ITFG2: variants seen among roughly 807,000 people sequenced by gnomAD.
ITFG2 encodes integrin alpha FG-GAP repeat containing 2.
A neutral mutation model predicts 54.4 loss-of-function variants in ITFG2; 36 were observed. The ratio of observed to expected loss-of-function variants is 0.66; its 90% CI spans 0.51 to 0.87. ITFG2 has a LOEUF of 0.87. Among genes scored for constraint, ITFG2 ranks in the 40% least tolerant of loss-of-function variants. The probability of loss-of-function intolerance (pLI) is 0.00; values close to 1 mark genes in which losing one functional copy is unlikely to be tolerated. For missense variants in ITFG2, 524 were observed against 576.7 expected, an observed-to-expected ratio of 0.91 and a Z score of 0.94; for synonymous variants, 211 against 225.4, an observed-to-expected ratio of 0.94 and a Z score of 0.57.
Position 2,817,281 on chromosome 12 carries a change from A to G in ITFG2, c.155A>G (p.Asp52Gly). 1.2e-6 allele frequency: 2 copies of G among 1,613,898 alleles called. No individual in the cohort carries two copies. The highest frequency in any genetic ancestry group is 2.2e-5 in the South Asian group (2 of 91,030). The stretch of plus-strand genomic sequence containing the variant: ...AAGGTGTCTGTGTATAAAAATGATG[A>G]CAGTCGGCCATGGCTCACCTGTTCC... ...SGKVSVYKND[D>G]SRPWLTCSCQ... The change falls in exon 2 of 12, where the codon GAC (aspartate) becomes GGC (glycine). Residue 52 changes from aspartate (D) to glycine (G), a missense_variant. Coordinates refer to ENST00000228799, the MANE Select transcript of ITFG2 (RefSeq NM_018463.4).
chr12:2,827,303 C>T (rs199597760), downstream of ITFG2: 1,164 of 1,612,704 alleles, frequency 7.2e-4, 13 homozygotes, highest in South Asian at 9.4e-3. The surrounding 1 kb of genome is among the most constrained non-coding windows in gnomAD (Gnocchi z 4.0). Context: ...TGCAGCACTG[C>T]GGGGTGTAGA....
chr12:2,859,695 C>T (rs781572454), exon 4 of ITFG2: 28 of 1,523,864 alleles, frequency 1.8e-5, no homozygotes, highest in Admixed American at 3.6e-5. Flanking sequence ...GGTGAACCAA[C>T]GGTCACCAGA....
At chr12:2,851,823 C>T (rs183888718) in intron 2 of ITFG2, among the ~76,000 whole-genome samples, 1 of 152,198 alleles carries the variant, frequency 6.6e-6, no homozygotes, top group Non-Finnish European at 1.5e-5. Context: ...GGATTACAGG[C>T]ATGTGCCACC....
downstream of ITFG2, chr12:2,826,987 TG>T (rs575280428): frequency 5.3e-5 from 72 of 1,371,204 alleles, no homozygotes; most frequent in African/African-American, 8.2e-4. Flanking sequence ...CCTGGCATCG[TG>T]GGCCCTCTAG....
rs903215744 is a variant in ITFG2, at chr12:2,845,651, G to A, written n.300+4656G>A. Among the ~76,000 whole-genome samples, 1 of 152,122 alleles carries A rather than the reference G, an allele frequency of 6.6e-6. No individual in the cohort carries two copies. Among genetic ancestry groups the A allele is most frequent in the Non-Finnish European group, 1.5e-5 (1 of 68,020 alleles). ...TGGGGAGTGAAGTATGTGGGGGAAA[G>A]GGGTGTCCATACCTTCACCCCTGCC... On this transcript the variant is annotated intron_variant and non_coding_transcript_variant, in intron 2 of 3. Transcript: ENST00000537710. This position sits in a 1 kb window ranked among gnomAD's most constrained non-coding sequence, Gnocchi z 4.2.
chr12:2,859,100 G>A (rs903630934), intron 3 of ITFG2: 26 of 1,606,572 alleles, frequency 1.6e-5, no homozygotes, highest in Non-Finnish European at 2.2e-5. Flanking sequence ...TGCTCGGGGT[G>A]GAGGAGATGG....
intron 10 of ITFG2, among the ~76,000 whole-genome samples, chr12:2,823,544 C>T (rs1355696182): frequency 6.6e-6 from 1 of 152,184 alleles, no homozygotes; most frequent in Non-Finnish European, 1.5e-5. Flanking sequence ...TGCTATTCTG[C>T]CCGGGTTTTG....
At chr12:2,837,908 T>C (rs2098032469) in intron 1 of ITFG2, among the ~76,000 whole-genome samples, 1 of 152,184 alleles carries the variant, frequency 6.6e-6, no homozygotes, top group Non-Finnish European at 1.5e-5. Flanking sequence ...CCTTGTGTTC[T>C]CTCTCCCAAG....
rs777770184 is a variant in ITFG2, at chr12:2,822,824, G to C, written c.979G>C (p.Ala327Pro). 2.5e-6 allele frequency: 4 copies of C among 1,614,038 alleles called. No homozygotes were observed. Among genetic ancestry groups the C allele is most frequent in the Admixed American group, 1.7e-5 (1 of 59,992 alleles). ...GNGHEEVVAC[A>P]WDGQTYIIDH... ...CGGGCATGAGGAGGTAGTTGCATGC[G>C]CCTGGGATGGACAGACATATATCAT... is the stretch of plus-strand genomic sequence containing the variant. The change falls in exon 10 of 12, where the codon GCC (alanine) becomes CCC (proline). Residue 327 changes from alanine (A) to proline (P), a missense_variant. Coordinates refer to ENST00000228799, the MANE Select transcript of ITFG2 (RefSeq NM_018463.4).
chr12:2,840,281 T>C (rs1427903350), intron 1 of ITFG2, among the ~76,000 whole-genome samples: 2 of 151,738 alleles, frequency 1.3e-5, no homozygotes, highest in Non-Finnish European at 2.9e-5. Flanking sequence ...AAACCCCGTC[T>C]CTACTAAAAA....
At chr12:2,855,144 G>C (rs962015485) in intron 2 of ITFG2, 2 of 1,529,654 alleles carry the variant, frequency 1.3e-6, no homozygotes, top group Non-Finnish European at 1.7e-6. Context: ...CATTGGAGTC[G>C]GTCAGCCAGC....
intron 2 of ITFG2, chr12:2,854,842 G>A: frequency 2.7e-6 from 4 of 1,465,322 alleles, no homozygotes; most frequent in Non-Finnish European, 3.6e-6. Flanking sequence ...AGAGAGGGAG[G>A]GGTCACCTGG....
At chr12:2,846,916 A>G (rs1248180122) in intron 2 of ITFG2, among the ~76,000 whole-genome samples, 1 of 152,076 alleles carries the variant, frequency 6.6e-6, no homozygotes, top group Non-Finnish European at 1.5e-5. Context: ...ACATAACACA[A>G]AATTTACCAT....
intron 3 of ITFG2, chr12:2,858,942 G>A: frequency 2.5e-6 from 4 of 1,613,734 alleles, no homozygotes; most frequent in Non-Finnish European, 3.4e-6. Context: ...ACTTTGCAAG[G>A]GAGTGGTGCT....
In ITFG2 at chr12:2,853,492, C is replaced by T. The variant is rs571259105; in HGVS notation, n.301-4520C>T. ...TTCACCATGTTGGCCAGGCTGGTCTCGAACTCCTGACCTCAGGCGATCTGC... is the reference window on the plus strand; with the variant it reads ...TTCACCATGTTGGCCAGGCTGGTCTTGAACTCCTGACCTCAGGCGATCTGC... On this transcript the variant is annotated intron_variant and non_coding_transcript_variant, in intron 2 of 3. Coordinates refer to the ITFG2 transcript ENST00000537710. 2.4e-3 allele frequency among the ~76,000 whole-genome samples: 369 copies of T among 152,144 alleles called. 2 individuals are homozygous for T. Among genetic ancestry groups the T allele is most frequent in the African/African-American group, 8.5e-3 (353 of 41,472 alleles).
At chr12:2,823,398 G>A (rs1436231581) in intron 10 of ITFG2, among the ~76,000 whole-genome samples, 1 of 152,212 alleles carries the variant, frequency 6.6e-6, no homozygotes, top group Non-Finnish European at 1.5e-5. Flanking sequence ...CATTTGGAAG[G>A]AGGGATTGGC....
upstream of ITFG2, chr12:2,834,992 A>G: frequency 6.5e-7 from 1 of 1,546,326 alleles, no homozygotes; most frequent in Non-Finnish European, 8.7e-7. Flanking sequence ...ATGCAGGAGC[A>G]GCCGCGTCAG....
At chr12:2,849,483 G>C in intron 2 of ITFG2, 5 of 1,536,170 alleles carry the variant, frequency 3.3e-6, no homozygotes, top group Non-Finnish European at 4.4e-6. Flanking sequence ...TGAGCTGGAG[G>C]CCCTGGGGTT....
At chr12:2,843,979 G>A (rs1247383478) in intron 2 of ITFG2, among the ~76,000 whole-genome samples, 1 of 148,828 alleles carries the variant, frequency 6.7e-6, no homozygotes, top group Non-Finnish European at 1.5e-5. Context: ...AGTAAACTAG[G>A]CCAGGCATGG....
Sources: allele counts gnomAD v4.1 joint callset (sites outside exome capture counted in the v4.1 genomes callset), GRCh38; gene constraint gnomAD v4.1.1; non-coding constraint Gnocchi (gnomAD v3.1); transcripts MANE v1.5; gene names NCBI Gene and HGNC (gene_info 2026-07-23, HGNC 2026-07-21).